Variants in USH2A observed in about 807,000 individuals in gnomAD.
The protein encoded by USH2A is Usher syndrome 2A (autosomal recessive, mild).
A neutral mutation model predicts 538.9 loss-of-function variants in USH2A; 443 were observed. That is an observed-to-expected ratio of 0.82 (90% CI 0.76 to 0.89). The LOEUF (loss-of-function observed/expected upper bound fraction) is 0.89. Ranked by LOEUF, USH2A falls within the 40% of genes least tolerant of loss-of-function variation. The pLI is 0.00. For synonymous variants in USH2A, 2,413 were observed against 2,273.5 expected (o/e 1.06, Z -1.75); for missense variants, 6,633 against 6,324.8 (o/e 1.05, Z -1.65).
intron 35 of USH2A, among the ~76,000 whole-genome samples, chr1:215,972,836 T>C (rs796532497): frequency 3.9e-5 from 6 of 152,300 alleles, no homozygotes; most frequent in African/African-American, 1.4e-4. Context: ...TTATTTCTGG[T>C]GTGACCATCT....
chr1:215,787,640 A>G (rs1296943686), intron 51 of USH2A, among the ~76,000 whole-genome samples: 2 of 152,194 alleles, frequency 1.3e-5, no homozygotes, highest in Admixed American at 6.5e-5. Context: ...TAAGTAGCAT[A>G]ATGTATTTAG....
intron 49 of USH2A, among the ~76,000 whole-genome samples, chr1:215,806,257 A>G (rs1199417332): frequency 2.0e-5 from 3 of 149,450 alleles, no homozygotes; most frequent in African/African-American, 7.7e-5. Flanking sequence ...TTTCTCTTGA[A>G]TCAACATATT....
chr1:216,048,618 T>C lies in USH2A; in HGVS notation c.6079A>G (p.Asn2027Asp). Residue 2027 changes from asparagine to aspartate, a missense_variant, in exon 31 of 72, where the codon AAC becomes GAC. By Grantham distance (23) the Asn-to-Asp change is conservative. Transcript: ENST00000307340. Reference sequence around the variant, plus strand: ...CAAGCAGTTAGGGTTACTGCATAGTTTTTGAAGGGTAGCAAGCCTGTCAAT... The same window carrying C: ...CAAGCAGTTAGGGTTACTGCATAGTCTTTGAAGGGTAGCAAGCCTGTCAAT... ...GILTGLLPFK[N>D]YAVTLTACTL... 6.2e-7 allele frequency: 1 copy of C among 1,614,072 alleles called. No homozygotes were observed.
chr1:215,986,310 C>T (rs796340572), intron 35 of USH2A, among the ~76,000 whole-genome samples: 10 of 131,422 alleles, frequency 7.6e-5, no homozygotes, highest in East Asian at 2.3e-4. Context: ...TTTTCTTTTT[C>T]TTTTTTTTTT....
At chr1:216,254,109 AAATT>A (rs1189752952) in intron 11 of USH2A, among the ~76,000 whole-genome samples, 1 of 152,244 alleles carries the variant, frequency 6.6e-6, no homozygotes, top group African/African-American at 2.4e-5. Flanking sequence ...ACTCTGCCAC[AAATT>A]AATAAAATAA....
At chr1:216,071,280 C>T (rs1404275217) in intron 29 of USH2A, among the ~76,000 whole-genome samples, 2 of 152,068 alleles carry the variant, frequency 1.3e-5, no homozygotes, top group Non-Finnish European at 2.9e-5. Context: ...ACAAAGTGAA[C>T]ATAAAAGATA....
Position 216,364,310 on chromosome 1 carries a change from C to T in USH2A, c.784+643G>A, listed in dbSNP as rs915176425. Among the ~76,000 whole-genome samples, 42 of 151,948 alleles carry T rather than the reference C, an allele frequency of 2.8e-4. 1 individual carries two copies. The highest frequency in any genetic ancestry group is 9.2e-4 in the African/African-American group (38 of 41,372). ...ATTCTCTACATGAAAATGCAAACCC[C>T]TCAGAAAAGAGACAGAAAGGAAATA... On this transcript the variant is annotated intron_variant, in intron 4 of 71. Transcript: ENST00000307340.
At chr1:216,018,819 C>T (rs907164343) in intron 32 of USH2A, among the ~76,000 whole-genome samples, 1 of 146,506 alleles carries the variant, frequency 6.8e-6, no homozygotes, top group African/African-American at 2.5e-5. Flanking sequence ...ATTATTATCT[C>T]TGTGACTATA....
intron 11 of USH2A, among the ~76,000 whole-genome samples, chr1:216,283,126 G>A (rs547185522): frequency 6.6e-4 from 101 of 151,952 alleles, no homozygotes; most frequent in Non-Finnish European, 1.0e-3. Flanking sequence ...TCGTTCTGTC[G>A]CCCAGGCTGG....
intron 64 of USH2A, among the ~76,000 whole-genome samples, chr1:215,666,380 G>A (rs1469132144): frequency 6.6e-6 from 1 of 152,090 alleles, no homozygotes; most frequent in African/African-American, 2.4e-5. Flanking sequence ...AAAACAATAG[G>A]ACCCTTCTTT....
chr1:216,049,025 TA>T (rs1256144240), intron 30 of USH2A, among the ~76,000 whole-genome samples: 1 of 152,304 alleles, frequency 6.6e-6, no homozygotes, highest in African/African-American at 2.4e-5. Flanking sequence ...CAAAACTATT[TA>T]ATTTTCTTTA....
At chr1:216,163,200 C>T (rs2034096592) in intron 21 of USH2A, among the ~76,000 whole-genome samples, 1 of 151,820 alleles carries the variant, frequency 6.6e-6, no homozygotes, top group African/African-American at 2.4e-5. Context: ...AGGCTATTTA[C>T]TTTATCAGGG....
Position 215,675,607 on chromosome 1 carries a change from T to C in USH2A, c.12304A>G (p.Ile4102Val), listed in dbSNP as rs377354842. The C allele has an allele frequency of 1.4e-5, 22 of 1,614,012 alleles. No individual in the cohort carries two copies. The highest frequency in any genetic ancestry group is 5.0e-5 in the Admixed American group (3 of 59,996). Residue 4102 changes from isoleucine to valine, a missense_variant, in exon 63 of 72, where the codon ATC (isoleucine) becomes GTC (valine). Ile to Val is a conservative substitution (Grantham distance 29, BLOSUM62 3). Transcript: ENST00000307340. ...TACTCCAGGAACCCGTCACTGAAGA[T>C]GTTGTATGTCTACAGAAGGACAGAA... ...RTNGVIKTYN[I>V]FSDGFLEYSG...
At chr1:215,788,252 C>T (rs895243572) in intron 51 of USH2A, among the ~76,000 whole-genome samples, 10 of 152,094 alleles carry the variant, frequency 6.6e-5, no homozygotes, top group Admixed American at 1.3e-4. Context: ...CCATGTTTCC[C>T]TTTTCTCTCT....
At chr1:216,014,069 T>G (rs1668643015) in intron 32 of USH2A, among the ~76,000 whole-genome samples, 1 of 130,916 alleles carries the variant, frequency 7.6e-6, no homozygotes, top group Non-Finnish European at 1.6e-5. Context: ...GTTCTTTGAA[T>G]AATAAAGCAT....
At chr1:216,270,844 G>A (rs1558355402) in intron 11 of USH2A, among the ~76,000 whole-genome samples, 1 of 151,950 alleles carries the variant, frequency 6.6e-6, no homozygotes, top group Admixed American at 6.6e-5. Flanking sequence ...CAAAGTGCTA[G>A]GATTACAGGC....
chr1:215,906,283 T>C (rs1665638816), intron 38 of USH2A, among the ~76,000 whole-genome samples: 1 of 152,056 alleles, frequency 6.6e-6, no homozygotes, highest in Non-Finnish European at 1.5e-5. Context: ...GAAAGCATAC[T>C]GTGTACAAGG....
intron 32 of USH2A, among the ~76,000 whole-genome samples, chr1:216,039,822 T>A (rs2030185587): frequency 6.6e-6 from 1 of 151,924 alleles, no homozygotes; most frequent in African/African-American, 2.4e-5. Flanking sequence ...TCGTAAGACT[T>A]AAGTGTTTGG....
intron 62 of USH2A, among the ~76,000 whole-genome samples, chr1:215,678,214 G>C (rs191657565): frequency 6.6e-6 from 1 of 152,082 alleles, no homozygotes; most frequent in South Asian, 2.1e-4. Context: ...TTTTAAAAAC[G>C]TAAATTTGAT....
Sources: gnomAD v4.1 joint callset for allele counts (sites outside exome capture counted in the v4.1 genomes callset) on GRCh38, gnomAD v4.1.1 for gene constraint, MANE v1.5 for transcripts, NCBI Gene and HGNC (gene_info 2026-07-23, HGNC 2026-07-21) for gene names.